The following GAREM1 variants were observed in gnomAD, a reference collection of about 807,000 sequenced individuals.
GAREM1 encodes the protein GRB2 associated regulator of MAPK1 subtype 1, also known as GRB2-associated and regulator of MAPK protein 1.
GAREM1 carries 26 observed loss-of-function variants against 71.3 expected under a neutral mutation model. The ratio of observed to expected loss-of-function variants is 0.36; its 90% CI spans 0.27 to 0.51. The LOEUF is 0.51. Ranked by LOEUF, GAREM1 falls within the 20% of genes least tolerant of loss-of-function variation. The probability of loss-of-function intolerance (pLI) is 0.95; values close to 1 mark genes in which losing one functional copy is unlikely to be tolerated. For synonymous variants in GAREM1, 440 were observed against 433.2 expected (o/e 1.02, Z -0.20); for missense variants, 1,026 against 1,103.1 (o/e 0.93, Z 0.99).
At chr18:32,312,196 C>T (rs904716000) in intron 2 of GAREM1, among the ~76,000 whole-genome samples, 7 of 152,190 alleles carry the variant, frequency 4.6e-5, no homozygotes, top group Non-Finnish European at 8.8e-5. Flanking sequence ...AAGAATAAAT[C>T]TGGCAGTCAT....
chr18:32,332,961 G>A (rs146782563), intron 2 of GAREM1, among the ~76,000 whole-genome samples: 63 of 152,000 alleles, frequency 4.1e-4, no homozygotes, highest in African/African-American at 1.5e-3. Flanking sequence ...ACACAGGAGA[G>A]GAGAGGAGGG....
chr18:32,445,476 C>T (rs567663137), intron 1 of GAREM1, among the ~76,000 whole-genome samples: 5 of 151,934 alleles, frequency 3.3e-5, no homozygotes, highest in African/African-American at 4.8e-5. Flanking sequence ...TATACTCCCC[C>T]CTAGAACCCC....
At chr18:32,396,910 G>A (rs1334985216) in intron 1 of GAREM1, among the ~76,000 whole-genome samples, 4 of 152,188 alleles carry the variant, frequency 2.6e-5, no homozygotes, top group Non-Finnish European at 5.9e-5. Flanking sequence ...CAGAGAGAAA[G>A]GTCGGGTTAT....
chr18:32,302,929 G>A (rs923833793), intron 3 of GAREM1, among the ~76,000 whole-genome samples: 1 of 152,190 alleles, frequency 6.6e-6, no homozygotes, highest in Non-Finnish European at 1.5e-5. Context: ...CCAGCCCACA[G>A]CAGGTGCCAA....
intron 2 of GAREM1, among the ~76,000 whole-genome samples, chr18:32,359,403 C>T (rs1274146800): frequency 2.0e-5 from 3 of 152,136 alleles, no homozygotes; most frequent in African/African-American, 4.8e-5. Context: ...TCTCCCTCCC[C>T]GATCCTCCCA....
intron 1 of GAREM1, among the ~76,000 whole-genome samples, chr18:32,396,285 C>A (rs182947140): frequency 6.6e-6 from 1 of 152,172 alleles, no homozygotes; most frequent in African/African-American, 2.4e-5. Flanking sequence ...CGCAGCTCCT[C>A]GCCAGCAATG....
intron 2 of GAREM1, among the ~76,000 whole-genome samples, chr18:32,354,291 T>C (rs766554783): frequency 6.6e-6 from 1 of 152,198 alleles, no homozygotes; most frequent in Non-Finnish European, 1.5e-5. Context: ...ACTTTCAAGA[T>C]AGAGTTGCCA....
chr18:32,320,136 T>C (rs1378365851), intron 2 of GAREM1, among the ~76,000 whole-genome samples: 1 of 152,218 alleles, frequency 6.6e-6, no homozygotes, highest in African/African-American at 2.4e-5. Context: ...CGTTTCCTCA[T>C]GCTTTTCCTA....
intron 2 of GAREM1, among the ~76,000 whole-genome samples, chr18:32,373,765 A>T (rs1345373951): frequency 6.6e-6 from 1 of 152,088 alleles, no homozygotes; most frequent in Non-Finnish European, 1.5e-5. Context: ...ATTTTCCATC[A>T]CCTGCTTTAG....
intron 2 of GAREM1, among the ~76,000 whole-genome samples, chr18:32,339,223 G>A (rs1022034050): frequency 6.6e-6 from 1 of 152,174 alleles, no homozygotes; most frequent in Non-Finnish European, 1.5e-5. Context: ...TTTTTAACAT[G>A]AAACCATGAA....
intron 1 of GAREM1, among the ~76,000 whole-genome samples, chr18:32,432,993 A>C (rs1460657936): frequency 1.3e-5 from 2 of 152,122 alleles, no homozygotes; most frequent in Admixed American, 1.3e-4. Flanking sequence ...GTACAGGAAA[A>C]GACAATTACA....
At chr18:32,316,537 C>T (rs915632594) in intron 2 of GAREM1, among the ~76,000 whole-genome samples, 2 of 152,176 alleles carry the variant, frequency 1.3e-5, no homozygotes, top group African/African-American at 4.8e-5. Context: ...ACTGGCTCCC[C>T]AGACTCAAGC....
rs34874987 is a variant in GAREM1 at position 32,463,325 on chromosome 18, G to GAA, written c.121+6981_121+6982dup. Among the ~76,000 whole-genome samples the GAA allele has an allele frequency of 3.1e-3, 463 of 149,038 alleles. 2 individuals carry two copies. Among genetic ancestry groups the GAA allele is most frequent in the African/African-American group, 0.011 (439 of 40,600 alleles). On this transcript the variant is annotated intron_variant, in intron 1 of 5. Coordinates refer to ENST00000269209, the MANE Select transcript of GAREM1 (RefSeq NM_001242409.2). ...ATGGATATTACAGTACTGTTCTCTG[G>GAA]AAAAAAAAATAAAAAGACTTTCAAA...
intron 1 of GAREM1, chr18:32,413,294 T>C (rs991576286): frequency 3.2e-6 from 4 of 1,260,960 alleles, no homozygotes; most frequent in Admixed American, 2.0e-5. Flanking sequence ...TCACATTAAG[T>C]AGATTTCCAA....
chr18:32,318,689 C>A (rs2047403526), intron 2 of GAREM1, among the ~76,000 whole-genome samples: 1 of 152,090 alleles, frequency 6.6e-6, no homozygotes, highest in Non-Finnish European at 1.5e-5. Flanking sequence ...CCCTCTTTTG[C>A]AGCTGTAGTT....
At chr18:32,289,090 G>A (rs946257704) in intron 3 of GAREM1, among the ~76,000 whole-genome samples, 3 of 152,042 alleles carry the variant, frequency 2.0e-5, no homozygotes, top group East Asian at 1.9e-4. Context: ...GTTTTGTTTT[G>A]TTTTGTTTTT....
chr18:32,363,851 T>C (rs2047890219), intron 2 of GAREM1, among the ~76,000 whole-genome samples: 1 of 150,560 alleles, frequency 6.6e-6, no homozygotes, highest in African/African-American at 2.4e-5. Flanking sequence ...ACAGCTGACT[T>C]TAAGGCTTAT....
chr18:32,318,453 T>C (rs1253169070), intron 2 of GAREM1, among the ~76,000 whole-genome samples: 1 of 152,108 alleles, frequency 6.6e-6, no homozygotes, highest in African/African-American at 2.4e-5. Context: ...AAAGGTCACT[T>C]GTCAGAAATG....
chr18:32,440,647 G>A (rs1331159782), intron 1 of GAREM1, among the ~76,000 whole-genome samples: 8 of 152,198 alleles, frequency 5.3e-5, no homozygotes, highest in Non-Finnish European at 7.3e-5. Flanking sequence ...CGGTTGTGAT[G>A]TATCCTCATT....
Sources: gnomAD v4.1 joint callset for allele counts (sites outside exome capture counted in the v4.1 genomes callset) on GRCh38, gnomAD v4.1.1 for gene constraint, MANE v1.5 for transcripts, NCBI Gene and HGNC (gene_info 2026-07-23, HGNC 2026-07-21) for gene names.